NCAM2: variants seen among roughly 807,000 people sequenced by gnomAD.
NCAM2 encodes neural cell adhesion molecule 2, also known as N-CAM-2.
A neutral mutation model predicts 98.1 loss-of-function variants in NCAM2; 30 were observed. The ratio of observed to expected loss-of-function variants is 0.31; its 90% confidence interval spans 0.23 to 0.41. The LOEUF is 0.41. NCAM2 is among the 10% of genes least tolerant of loss of function. The pLI is 1.00. For synonymous variants in NCAM2, 368 were observed against 342.4 expected (o/e 1.07, Z -0.83); for missense variants, 867 against 1,005.8 (o/e 0.86, Z 1.87).
chr21:21,477,835 C>T (rs975844734), intron 15 of NCAM2, among the ~76,000 whole-genome samples: 2 of 152,106 alleles, frequency 1.3e-5, no homozygotes, highest in African/African-American at 4.8e-5. Context: ...TGATCCAATT[C>T]TTGTTAGATT....
intron 9 of NCAM2, among the ~76,000 whole-genome samples, chr21:21,410,008 C>T (rs979033844): frequency 1.3e-5 from 2 of 152,098 alleles, no homozygotes; most frequent in African/African-American, 4.8e-5. Flanking sequence ...TGGCGGGCAC[C>T]TGTAGTCCCA....
In NCAM2 at chr21:21,335,765, A is replaced by T. The variant is rs1360744753; in HGVS notation, c.898+100A>T. On this transcript the variant is annotated intron_variant, in intron 7 of 17. Coordinates refer to ENST00000400546, the MANE Select transcript of NCAM2 (RefSeq NM_004540.5). The stretch of plus-strand genomic sequence containing the variant: ...TGAACTATTTAAACTTTCCATATTA[A>T]ATCTGTTTCCTCTTCTCTGTAATAT... 4.0e-6 allele frequency: 4 copies of T among 994,848 alleles called. No individual in the cohort carries two copies. In the African/African-American group the frequency reaches 6.7e-5, roughly 17 times the overall value. 61.6% of individuals were successfully genotyped at this position (994,848 alleles called of 1,614,324 possible).
chr21:21,404,080 T>C (rs2076687327), intron 9 of NCAM2, among the ~76,000 whole-genome samples: 2 of 152,186 alleles, frequency 1.3e-5, no homozygotes, highest in South Asian at 4.1e-4. Flanking sequence ...TTACTACATA[T>C]GGAGTGTCTT....
chr21:21,422,960 G>C (rs758778381), intron 11 of NCAM2, among the ~76,000 whole-genome samples: 20 of 151,924 alleles, frequency 1.3e-4, no homozygotes, highest in Non-Finnish European at 1.2e-4. Flanking sequence ...AAGGCATTCT[G>C]TATATTTATA....
intron 15 of NCAM2, among the ~76,000 whole-genome samples, chr21:21,494,132 C>T (rs943592750): frequency 2.6e-5 from 4 of 151,828 alleles, no homozygotes; most frequent in Admixed American, 1.3e-4. Flanking sequence ...TATTTGCTCA[C>T]ATTTTTCATT....
intron 1 of NCAM2, among the ~76,000 whole-genome samples, chr21:21,080,656 C>CAAAAAAAAAA (rs1340023403): frequency 1.9e-5 from 1 of 53,268 alleles, no homozygotes; most frequent in Non-Finnish European, 3.3e-5. Context: ...GATAAGATCT[C>CAAAAAAAAAA]AAAAAAAAAA....
chr21:21,515,138 C>G, intron 16 of NCAM2, among the ~76,000 whole-genome samples: 1 of 152,100 alleles, frequency 6.6e-6, no homozygotes, highest in Admixed American at 6.6e-5. Flanking sequence ...AAGCAACAAG[C>G]CAATAATAAC....
chr21:21,264,369 A>T (rs1336613921), intron 1 of NCAM2, among the ~76,000 whole-genome samples: 1 of 152,094 alleles, frequency 6.6e-6, no homozygotes, highest in Non-Finnish European at 1.5e-5. Context: ...GGCTGAGATG[A>T]AAAGGAAACA....
intron 1 of NCAM2, among the ~76,000 whole-genome samples, chr21:21,074,441 C>T (rs1043034787): frequency 6.6e-6 from 1 of 151,826 alleles, no homozygotes; most frequent in African/African-American, 2.4e-5. Context: ...ATTTATTTTA[C>T]ATAAATTTGA....
chr21:21,495,733 A>G (rs905477344), intron 15 of NCAM2, among the ~76,000 whole-genome samples: 2 of 151,824 alleles, frequency 1.3e-5, no homozygotes, highest in Non-Finnish European at 2.9e-5. Flanking sequence ...ATCTTTTTTT[A>G]TTCAAGCCAT....
chr21:21,010,542 C>A (rs192929906), intron 1 of NCAM2, among the ~76,000 whole-genome samples: 86 of 152,174 alleles, frequency 5.7e-4, no homozygotes, highest in African/African-American at 2.0e-3. Context: ...CTACACTGTG[C>A]ATTAATACAG....
chr21:21,071,863 A>G lies in NCAM2; in HGVS notation c.55+73245A>G, dbSNP rs1601279796. Among the ~76,000 whole-genome samples the G allele has an allele frequency of 2.9e-5, 4 of 138,028 alleles. No homozygotes were observed. In the South Asian group the frequency reaches 9.3e-4, roughly 32 times the overall value. The allele number at this position is 138,028 out of a possible 152,430, so 90.6% of individuals were successfully genotyped here. On this transcript the variant is annotated intron_variant, in intron 1 of 17. Transcript: ENST00000400546. ...AGTGTATACTGCCCAATTATTTGTC[A>G]TGTCTGCCTATCTATCTATCTATCT... is the stretch of plus-strand genomic sequence containing the variant.
chr21:21,185,612 G>A (rs186725001), intron 1 of NCAM2, among the ~76,000 whole-genome samples: 28 of 152,224 alleles, frequency 1.8e-4, no homozygotes, highest in African/African-American at 6.5e-4. Flanking sequence ...ATCTCCCAAA[G>A]CTTGTGTTGT....
At chr21:21,142,545 A>ATT (rs112145516) in intron 1 of NCAM2, among the ~76,000 whole-genome samples, 2 of 150,940 alleles carry the variant, frequency 1.3e-5, no homozygotes, top group Non-Finnish European at 3.0e-5. Flanking sequence ...GGCCTGGCTA[A>ATT]TTTTTTTGTA....
intron 13 of NCAM2, among the ~76,000 whole-genome samples, chr21:21,468,321 C>A (rs1264699979): frequency 6.6e-6 from 1 of 151,850 alleles, no homozygotes; most frequent in Non-Finnish European, 1.5e-5. Context: ...ACTAAATTTA[C>A]ATTAAGAAAA....
intron 1 of NCAM2, among the ~76,000 whole-genome samples, chr21:21,118,944 A>G (rs2066617634): frequency 6.6e-6 from 1 of 152,152 alleles, no homozygotes; most frequent in Non-Finnish European, 1.5e-5. Context: ...GTTCATTTCT[A>G]GCTTTTTAGA....
intron 12 of NCAM2, among the ~76,000 whole-genome samples, chr21:21,462,756 A>C (rs575364493): frequency 3.3e-5 from 5 of 152,120 alleles, no homozygotes; most frequent in Non-Finnish European, 7.4e-5. Flanking sequence ...TAGAAATATT[A>C]GTGCAGGAAA....
At chr21:21,121,135 G>A (rs144588102) in intron 1 of NCAM2, among the ~76,000 whole-genome samples, 2 of 152,256 alleles carry the variant, frequency 1.3e-5, no homozygotes, top group African/African-American at 2.4e-5. Context: ...TATATTTTTA[G>A]TGTTGCAGAT....
intron 1 of NCAM2, among the ~76,000 whole-genome samples, chr21:21,116,004 T>G (rs1405577198): frequency 8.0e-6 from 1 of 125,196 alleles, no homozygotes; most frequent in Non-Finnish European, 1.7e-5. Context: ...TGTCTGTCTT[T>G]CATGCTGAGA....
Sources: gnomAD v4.1 joint callset for allele counts (sites outside exome capture counted in the v4.1 genomes callset) on GRCh38, gnomAD v4.1.1 for gene constraint, MANE v1.5 for transcripts, NCBI Gene and HGNC (gene_info 2026-07-23, HGNC 2026-07-21) for gene names.